CEP95: variants seen among roughly 807,000 people sequenced by gnomAD.
CEP95 encodes centrosomal protein of 95 kDa.
A neutral mutation model predicts 111.2 loss-of-function variants in CEP95; 98 were observed. The observed-to-expected ratio is 0.88, with a 90% confidence interval of 0.75 to 1.04. The LOEUF is 1.04. Among genes scored for constraint, CEP95 ranks in the 50% least tolerant of loss-of-function variants. The pLI, the probability that CEP95 is intolerant of heterozygous loss-of-function variation, is 0.00. For missense variants in CEP95, 1,027 were observed against 977.2 expected, an observed-to-expected ratio of 1.05 and a Z score of -0.68; for synonymous variants, 323 against 327.1, an observed-to-expected ratio of 0.99 and a Z score of 0.14.
chr17:64,508,266 T>C (rs1444301063), intron 1 of CEP95: 1 of 985,946 alleles, frequency 1.0e-6, no homozygotes, highest in African/African-American at 1.7e-5. Context: ...TGTTTACTTG[T>C]AAATATGTTT....
chr17:64,508,473 T>C, intron 1 of CEP95, 119 bp from the exon 2 acceptor site: 2 of 1,191,312 alleles, frequency 1.7e-6, no homozygotes, highest in Non-Finnish European at 2.1e-6. Flanking sequence ...AAATTCCTTA[T>C]CTTCTGCAAA....
chr17:64,537,492 A>AT (rs1256593582), intron 19 of CEP95, 111 bp from the exon 20 acceptor site: 6 of 1,435,596 alleles, frequency 4.2e-6, no homozygotes, highest in South Asian at 1.7e-5. Flanking sequence ...CTGTTGCTAG[A>AT]TTATTGAAAA....
intron 16 of CEP95, 157 bp from the exon 17 acceptor site, chr17:64,534,428 A>G: frequency 1.6e-6 from 1 of 612,822 alleles, no homozygotes; most frequent in Non-Finnish European, 2.9e-6. Context: ...TGAGGTGATA[A>G]AGCTGCCAAA....
chr17:64,537,393 TGGAGA>T (rs112540138), intron 19 of CEP95: 18 of 1,379,356 alleles, frequency 1.3e-5, no homozygotes, highest in Middle Eastern at 2.7e-4. Flanking sequence ...GTAAAGGGAA[TGGAGA>T]GAAGACTAAT....
chr17:64,533,339 T>C, intron 16 of CEP95, 148 bp downstream of exon 16: 1 of 629,034 alleles, frequency 1.6e-6, no homozygotes, highest in Non-Finnish European at 2.7e-6. Context: ...CCAAAATTGA[T>C]AGCCCATGCC....
At chr17:64,536,302 A>T (rs567668378) in intron 17 of CEP95, 2 of 178,400 alleles carry the variant, frequency 1.1e-5, no homozygotes, top group African/African-American at 4.7e-5. Flanking sequence ...TTAAAAATTT[A>T]GCCAGGCGTG....
At position 64,516,834 on chromosome 17, in the gene CEP95, A is replaced by G. The variant is rs375391459; in HGVS notation, c.473+6A>G. ...AAAAGAGTTTCTTTTGGGAGGTAGC[A>G]CTTAGTGTCTCTGAATTTGATGAAA... On this transcript the variant is annotated splice_donor_region_variant and intron_variant, in intron 5 of 19. Coordinates refer to ENST00000556440, the MANE Select transcript of CEP95 (RefSeq NM_138363.3). 6.7e-7 allele frequency: 1 copy of G among 1,492,308 alleles called. No homozygotes were observed. Among genetic ancestry groups the G allele is most frequent in the Non-Finnish European group, 9.3e-7 (1 of 1,072,024 alleles). The allele number at this position is 1,492,308 out of a possible 1,614,324, so 92.4% of individuals were successfully genotyped here. A position where few individuals can be genotyped will look rare whatever the true frequency, so the allele number is the denominator to read the frequency against.
At chr17:64,521,098 A>C (rs1283273122) in intron 6 of CEP95, among the ~76,000 whole-genome samples, 1 of 152,098 alleles carries the variant, frequency 6.6e-6, no homozygotes, top group Non-Finnish European at 1.5e-5. Flanking sequence ...TTAGCCAGGC[A>C]TGGTGGCGGG....
intron 1 of CEP95, chr17:64,507,822 T>C: frequency 3.0e-6 from 3 of 985,406 alleles, no homozygotes; most frequent in Non-Finnish European, 3.6e-6. Flanking sequence ...CTAATACCGA[T>C]TGAAAGTGCT....
chr17:64,525,543 T>C (rs934747777), intron 8 of CEP95, among the ~76,000 whole-genome samples: 1 of 152,214 alleles, frequency 6.6e-6, no homozygotes, highest in African/African-American at 2.4e-5. Flanking sequence ...TGTTTTTATT[T>C]GAATGGCATC....
At chr17:64,534,524 C>G (rs570585730) in intron 16 of CEP95, 61 bp from the exon 17 acceptor site, 1 of 1,464,090 alleles carries the variant, frequency 6.8e-7, no homozygotes, top group African/African-American at 1.4e-5. Flanking sequence ...CAGATGAGAA[C>G]GCTGGAATCT....
intron 17 of CEP95, 38 bp from the exon 18 acceptor site, chr17:64,536,564 T>G: frequency 1.3e-6 from 2 of 1,536,676 alleles, no homozygotes; most frequent in Non-Finnish European, 1.8e-6. Flanking sequence ...CAAAATGATA[T>G]TCCTCAATGA....
intron 1 of CEP95, chr17:64,507,531 C>A: frequency 9.0e-7 from 1 of 1,105,346 alleles, no homozygotes; most frequent in African/African-American, 1.7e-5. Flanking sequence ...TATTATGCCC[C>A]TGCAGAATAG....
chr17:64,521,539 T>C lies in CEP95; in HGVS notation c.715+12T>C. ...CTTTGTTGAAGACAGTGAGTTGTAA[T>C]GGATGTTAGTTCTTTACTGCTGATG... On this transcript the variant is annotated intron_variant, in intron 7 of 19. Coordinates refer to ENST00000556440, the MANE Select transcript of CEP95 (RefSeq NM_138363.3). 1 of 1,606,168 alleles carries C rather than the reference T, an allele frequency of 6.2e-7. No individual in the cohort carries two copies.
At chr17:64,536,297 A>G (rs1235715726) in intron 17 of CEP95, 1 of 175,038 alleles carries the variant, frequency 5.7e-6, no homozygotes, top group Non-Finnish European at 1.2e-5. Context: ...AAAAATTAAA[A>G]ATTTAGCCAG....
intron 12 of CEP95, 91 bp downstream of exon 12, chr17:64,529,518 C>A: frequency 7.6e-7 from 1 of 1,315,778 alleles, no homozygotes; most frequent in Non-Finnish European, 1.1e-6. Flanking sequence ...TTGATTTAGG[C>A]TTAAAATACA....
intron 11 of CEP95, among the ~76,000 whole-genome samples, chr17:64,529,057 G>A (rs1414871432): frequency 6.6e-6 from 1 of 152,172 alleles, no homozygotes; most frequent in Non-Finnish European, 1.5e-5. Context: ...CATTCCACAT[G>A]TTGAATATCC....
In CEP95 at chr17:64,537,099, A is replaced by T; in HGVS notation, c.2276A>T (p.Lys759Ile). The change falls in exon 19 of 20, where the codon AAA becomes ATA. Residue 759 changes from lysine to isoleucine, a missense_variant. Coordinates refer to ENST00000556440, the MANE Select transcript of CEP95 (RefSeq NM_138363.3). ...CATCAAGAACTTAAAGCCAGAGAGAAATCTCAGGCCCAGGTAATAATTAAG... is the reference window on the plus strand; with the variant it reads ...CATCAAGAACTTAAAGCCAGAGAGATATCTCAGGCCCAGGTAATAATTAAG... ...QEHQELKAREKSQAQTLHKVK... is the reference protein window; with the variant it reads ...QEHQELKAREISQAQTLHKVK... 1 of 1,612,576 alleles carries T rather than the reference A, an allele frequency of 6.2e-7. No individual in the cohort carries two copies. The highest frequency in any genetic ancestry group is 8.5e-7 in the Non-Finnish European group (1 of 1,179,134).
At chr17:64,521,039 T>C (rs1967293174) in intron 6 of CEP95, among the ~76,000 whole-genome samples, 1 of 152,040 alleles carries the variant, frequency 6.6e-6, no homozygotes, top group Admixed American at 6.6e-5. Context: ...AGGTAGGAGT[T>C]CGAGACCAGC....
Sources: allele counts gnomAD v4.1 joint callset (sites outside exome capture counted in the v4.1 genomes callset), GRCh38; gene constraint gnomAD v4.1.1; transcripts MANE v1.5; gene names NCBI Gene and HGNC (gene_info 2026-07-23, HGNC 2026-07-21).